Variants in PACS2 observed in about 807,000 individuals in gnomAD.
PACS2 encodes the protein PACS1-like protein.
In PACS2, 36 loss-of-function variants were observed where a neutral mutation model predicts 113.0. The observed-to-expected ratio is 0.32, with a 90% CI of 0.24 to 0.42. PACS2 has a LOEUF of 0.42. PACS2 is among the 10% of genes least tolerant of loss of function. The pLI is 1.00. For missense variants in PACS2, 1,015 were observed against 1,239.5 expected (o/e 0.82, Z 2.72); for synonymous variants, 589 against 536.1 (o/e 1.10, Z -1.36).
Position 105,394,725 on chromosome 14 carries a change from G to A in PACS2, c.*53G>A. ...GCCCCATGCTGTGAGGGGCCCAGCT[G>A]CATTTCTGTTAACATTTCAGTTTAC... On this transcript the variant is annotated 3_prime_UTR_variant, in exon 25 of 25. Coordinates refer to ENST00000447393, the MANE Select transcript of PACS2 (RefSeq NM_001100913.3). 9.1e-7 allele frequency: 1 copy of A among 1,101,248 alleles called. No individual in the cohort carries two copies. Among genetic ancestry groups the A allele is most frequent in the Non-Finnish European group, 1.4e-6 (1 of 712,982 alleles). The allele number at this position is 1,101,248 out of a possible 1,614,324, so 68.2% of individuals were successfully genotyped here. A position where few individuals can be genotyped will look rare whatever the true frequency, so the allele number is the denominator to read the frequency against.
At chr14:105,369,759 C>T (rs976275511) in intron 7 of PACS2, 82 bp from the exon 8 acceptor site, 22 of 1,251,558 alleles carry the variant, frequency 1.8e-5, no homozygotes, top group Admixed American at 2.0e-5. Context: ...GGCCTGGGTG[C>T]GGCCTGGGCC....
At chr14:105,322,127 G>A (rs587689619) in intron 1 of PACS2, among the ~76,000 whole-genome samples, 13 of 151,712 alleles carry the variant, frequency 8.6e-5, no homozygotes, top group African/African-American at 2.9e-4. Flanking sequence ...TAGTAGAGAC[G>A]GGGTTTCACC....
Position 105,329,449 on chromosome 14 carries a change from G to A in PACS2, c.119+14412G>A, listed in dbSNP as rs587692776. Among the ~76,000 whole-genome samples, 1 of 152,328 alleles carries A rather than the reference G, an allele frequency of 6.6e-6. No homozygotes were observed. Among genetic ancestry groups the A allele is most frequent in the South Asian group, 2.1e-4 (1 of 4,828 alleles). Reference sequence around the variant, plus strand: ...TCCTGCCCCACCAGAACCATCCTGAGTCCAAACTGGCTGAGAGTCAAGGGG... The same window carrying A: ...TCCTGCCCCACCAGAACCATCCTGAATCCAAACTGGCTGAGAGTCAAGGGG... On this transcript the variant is annotated intron_variant, in intron 1 of 24. Coordinates refer to ENST00000447393, the MANE Select transcript of PACS2 (RefSeq NM_001100913.3). This position sits in a 1 kb window ranked among gnomAD's most constrained non-coding sequence, Gnocchi z 6.4.
chr14:105,325,417 T>C (rs2059067985), intron 1 of PACS2, among the ~76,000 whole-genome samples: 1 of 152,170 alleles, frequency 6.6e-6, no homozygotes, highest in Admixed American at 6.5e-5. Context: ...TCCTGGGCCT[T>C]GCTTGGCAGA....
intron 1 of PACS2, among the ~76,000 whole-genome samples, chr14:105,327,103 G>A (rs76971061): frequency 0.014 from 2,075 of 152,330 alleles, 51 homozygotes; most frequent in African/African-American, 0.047. Flanking sequence ...GTCCAGCGTC[G>A]CTGTCTCCTG....
intron 19 of PACS2, among the ~76,000 whole-genome samples, chr14:105,386,896 CT>C (rs1333885581): frequency 1.3e-5 from 2 of 152,222 alleles, no homozygotes; most frequent in Admixed American, 6.5e-5. Context: ...CCCTTGCCCC[CT>C]GGCTGTGGCA....
At chr14:105,369,711 C>T (rs1383098208) in intron 7 of PACS2, 130 bp from the exon 8 acceptor site, 4 of 707,422 alleles carry the variant, frequency 5.7e-6, no homozygotes, top group East Asian at 5.5e-5. Flanking sequence ...AATCCATCAG[C>T]GTGGCTGGTG....
chr14:105,390,933 C>T, intron 20 of PACS2: 1 of 529,024 alleles, frequency 1.9e-6, no homozygotes, highest in East Asian at 3.2e-5. Flanking sequence ...TTACTGCACA[C>T]ATAGTTTGCA....
chr14:105,327,956 C>T (rs977499827), intron 1 of PACS2, among the ~76,000 whole-genome samples: 15 of 151,340 alleles, frequency 9.9e-5, no homozygotes, highest in Non-Finnish European at 1.5e-4. Flanking sequence ...CCAGGCCACC[C>T]GAGGGGCCAT....
chr14:105,366,307 C>T lies in PACS2; in HGVS notation c.424-906C>T, dbSNP rs368977823. ...AGGTTGCAGTGAGCCAAGATCGCAC[C>T]ATTGCACACCAGCCTGGGCCACAGA... is the stretch of plus-strand genomic sequence containing the variant. On this transcript the variant is annotated intron_variant, in intron 4 of 24. Transcript: ENST00000447393. The surrounding 1 kb of genome is among the most constrained non-coding windows in gnomAD (Gnocchi z 4.3). Among the ~76,000 whole-genome samples, 536 of 152,340 alleles carry T rather than the reference C, an allele frequency of 3.5e-3. 3 individuals carry two copies. The highest frequency in any genetic ancestry group is 0.012 in the African/African-American group (480 of 41,576).
chr14:105,367,805 G>A (rs1019753334), intron 5 of PACS2, among the ~76,000 whole-genome samples: 1 of 152,236 alleles, frequency 6.6e-6, no homozygotes, highest in Non-Finnish European at 1.5e-5. Flanking sequence ...GGCAGGAGGG[G>A]CCGTGGAGGC....
chr14:105,392,936 G>C lies in PACS2; in HGVS notation c.2482+91G>C, dbSNP rs111780947. ...GCAGTCAACAGGGATGACAGCCCCC[G>C]GGCTGGCCTCGGGCAGCCCACATGC... On this transcript the variant is annotated intron_variant, in intron 23 of 24. Transcript: ENST00000447393. 4.2e-4 allele frequency: 456 copies of C among 1,085,400 alleles called. 2 individuals carry two copies. In the African/African-American group the frequency reaches 6.2e-3, roughly 15 times the overall value. The allele number at this position is 1,085,400 out of a possible 1,614,324, so 67.2% of individuals were successfully genotyped here. A position where few individuals can be genotyped will look rare whatever the true frequency, so the allele number is the denominator to read the frequency against.
At chr14:105,353,381 CT>C (rs111670986) in intron 3 of PACS2, among the ~76,000 whole-genome samples, 4,740 of 134,462 alleles carry the variant, frequency 0.035, 441 homozygotes, top group African/African-American at 0.14. Context: ...ATGGCCCCCC[CT>C]CATCACTGTC....
intron 1 of PACS2, among the ~76,000 whole-genome samples, chr14:105,346,342 T>C (rs2059915836): frequency 6.6e-6 from 1 of 152,082 alleles, no homozygotes; most frequent in South Asian, 2.1e-4. Context: ...GGCCGCCCTG[T>C]GCATGATTTG....
rs1270488678 is a variant in PACS2, at chr14:105,376,200, C to A, written c.802-568C>A. Among the ~76,000 whole-genome samples, 1 of 152,018 alleles carries A rather than the reference C, an allele frequency of 6.6e-6. No individual in the cohort carries two copies. The highest frequency in any genetic ancestry group is 1.5e-5 in the Non-Finnish European group (1 of 68,012). ...CGTGGGGCTTATGGGGATTACAATT[C>A]AAGGTGAGACTTGGGTGGGGACACA... On this transcript the variant is annotated intron_variant, in intron 8 of 24. Transcript: ENST00000447393. The surrounding 1 kb of genome is among the most constrained non-coding windows in gnomAD (Gnocchi z 4.7).
rs1555405157 is a variant in PACS2 at position 105,355,350 on chromosome 14, G to T, written c.423+173G>T. Among the ~76,000 whole-genome samples the T allele has an allele frequency of 1.3e-5, 2 of 152,260 alleles. No homozygotes were observed. The highest frequency in any genetic ancestry group is 2.9e-5 in the Non-Finnish European group (2 of 68,040). ...GCCATAAGGGCCAGGTGCGGCCCCAGGTGGTGCTTCCTCTCTGACCTTCCC... is the reference window on the plus strand; with the variant it reads ...GCCATAAGGGCCAGGTGCGGCCCCATGTGGTGCTTCCTCTCTGACCTTCCC... On this transcript the variant is annotated intron_variant, in intron 4 of 24. Coordinates refer to ENST00000447393, the MANE Select transcript of PACS2 (RefSeq NM_001100913.3). The surrounding 1 kb of genome is among the most constrained non-coding windows in gnomAD (Gnocchi z 4.1).
At position 105,376,662 on chromosome 14, in the gene PACS2, G is replaced by A. The variant is rs995112744; in HGVS notation, c.802-106G>A. 1.6e-4 allele frequency: 166 copies of A among 1,035,492 alleles called. No homozygotes were observed. Among genetic ancestry groups the A allele is most frequent in the Admixed American group, 5.0e-4 (21 of 41,896 alleles). 64.1% of individuals were successfully genotyped at this position (1,035,492 alleles called of 1,614,324 possible). On this transcript the variant is annotated intron_variant, in intron 8 of 24. Transcript: ENST00000447393. This position sits in a 1 kb window ranked among gnomAD's most constrained non-coding sequence, Gnocchi z 4.7. ...TGCTGAGTGGAGGGGTTTGGTGGCT[G>A]GGTGCCCGCCTCCTATTGCTCCTGC...
In PACS2 at chr14:105,376,986, G is replaced by A. The variant is rs1286950439; in HGVS notation, c.959+61G>A. ...ATTTCAGATGCCCCGGCCACTCTGC[G>A]ACCACTCTGGCAGACCCATGTCCAG... On this transcript the variant is annotated intron_variant, in intron 9 of 24. Transcript: ENST00000447393. The surrounding 1 kb of genome is among the most constrained non-coding windows in gnomAD (Gnocchi z 4.7). The A allele has an allele frequency of 6.0e-6, 9 of 1,498,544 alleles. No individual in the cohort carries two copies. The African/African-American group carries it at 7.0e-5, about 12-fold the overall frequency. The allele number at this position is 1,498,544 out of a possible 1,614,324, so 92.8% of individuals were successfully genotyped here. A position where few individuals can be genotyped will look rare whatever the true frequency, so the allele number is the denominator to read the frequency against.
At chr14:105,332,928 C>T (rs587662708) in intron 1 of PACS2, among the ~76,000 whole-genome samples, 2 of 152,296 alleles carry the variant, frequency 1.3e-5, no homozygotes, top group Non-Finnish European at 2.9e-5. Context: ...CCACCGCCAT[C>T]GTCCCCCCAC....
Sources: gnomAD v4.1 joint callset for allele counts (sites outside exome capture counted in the v4.1 genomes callset) on GRCh38, gnomAD v4.1.1 for gene constraint, Gnocchi (gnomAD v3.1) non-coding constraint, MANE v1.5 for transcripts, NCBI Gene and HGNC (gene_info 2026-07-23, HGNC 2026-07-21) for gene names.